The following SPTB variants were observed in gnomAD, a reference collection of about 807,000 sequenced individuals.
SPTB encodes the protein spectrin beta chain, erythrocytic.
A neutral mutation model predicts 256.2 loss-of-function variants in SPTB; 45 were observed. The observed-to-expected ratio is 0.18, with a 90% CI of 0.14 to 0.23. The LOEUF is 0.23. Among genes scored for constraint, SPTB ranks in the 10% least tolerant of loss-of-function variants. SPTB has a pLI of 1.00. For synonymous variants in SPTB, 1,231 were observed against 1,243.1 expected, an observed-to-expected ratio of 0.99 and a Z score of 0.21; for missense variants, 2,715 against 3,040.4, an observed-to-expected ratio of 0.89 and a Z score of 2.52.
chr14:64,791,813 T>C lies in SPTB; in HGVS notation c.2710A>G (p.Ile904Val). The C allele has an allele frequency of 6.2e-7, 1 of 1,614,152 alleles. No individual in the cohort carries two copies. The highest frequency in any genetic ancestry group is 1.1e-5 in the South Asian group (1 of 91,086). ...DQEMKTLMTQ[I>V]DGVNLAANSL... ...TTGGCAGCGAGGTTCACACCATCAATCTGAGTCATCAAGGTCTTCATCTCC... is the reference window on the plus strand; with the variant it reads ...TTGGCAGCGAGGTTCACACCATCAACCTGAGTCATCAAGGTCTTCATCTCC... The change falls in exon 15 of 36, where the codon ATT becomes GTT. Residue 904 changes from isoleucine to valine, a missense_variant. Coordinates refer to ENST00000644917, the MANE Select transcript of SPTB (RefSeq NM_001355436.2).
At position 64,777,019 on chromosome 14, in the gene SPTB, G is replaced by A. The variant is rs1316564178; in HGVS notation, c.4564-1616C>T. Among the ~76,000 whole-genome samples the A allele has an allele frequency of 1.3e-5, 2 of 152,226 alleles. No individual in the cohort carries two copies. The highest frequency in any genetic ancestry group is 4.8e-5 in the African/African-American group (2 of 41,454). ...GGGCCTTCCTCCCTGGGGGCTACGA[G>A]GAAAAGACAACAGTGGGATGGAGAA... is the stretch of plus-strand genomic sequence containing the variant. On this transcript the variant is annotated intron_variant, in intron 22 of 35. Transcript: ENST00000644917. The surrounding 1 kb of genome is among the most constrained non-coding windows in gnomAD (Gnocchi z 4.5).
At chr14:64,836,215 G>C (rs1462778098) in intron 1 of SPTB, among the ~76,000 whole-genome samples, 1 of 152,170 alleles carries the variant, frequency 6.6e-6, no homozygotes, top group East Asian at 1.9e-4. Flanking sequence ...AAATGTCCTG[G>C]ATGACTGTTG....
At chr14:64,780,405 G>GA (rs2139536459) in intron 20 of SPTB, among the ~76,000 whole-genome samples, 1 of 152,258 alleles carries the variant, frequency 6.6e-6, no homozygotes, top group South Asian at 2.1e-4. Context: ...CAAAGAACTA[G>GA]AAAAATTATT....
intron 33 of SPTB, 104 bp downstream of exon 33, chr14:64,753,433 C>T (rs1049909521): frequency 5.7e-6 from 9 of 1,571,054 alleles, no homozygotes; most frequent in South Asian, 2.3e-5. Context: ...AGGCAGAAGG[C>T]ACCCCTCCCC....
chr14:64,809,439 G>A (rs1384084859), intron 2 of SPTB, among the ~76,000 whole-genome samples: 5 of 150,780 alleles, frequency 3.3e-5, no homozygotes, highest in Admixed American at 6.6e-5. Flanking sequence ...TCCGCCTCCC[G>A]AGTTCAAGCG....
Position 64,824,698 on chromosome 14 carries a change from T to C in SPTB, c.-51-1553A>G, listed in dbSNP as rs2083350127. On this transcript the variant is annotated intron_variant, in intron 1 of 35. Coordinates refer to ENST00000644917, the MANE Select transcript of SPTB (RefSeq NM_001355436.2). The surrounding 1 kb of genome is among the most constrained non-coding windows in gnomAD (Gnocchi z 5.7). ...CACCCACGGCACACACACAGGCTCA[T>C]ATCTGACACACTGACACACACCAGC... Among the ~76,000 whole-genome samples, 1 of 151,844 alleles carries C rather than the reference T, an allele frequency of 6.6e-6. No individual in the cohort carries two copies. The highest frequency in any genetic ancestry group is 2.4e-5 in the African/African-American group (1 of 41,192).
At chr14:64,763,941 G>C (rs1412904800) in intron 32 of SPTB, 1 of 511,692 alleles carries the variant, frequency 2.0e-6, no homozygotes, top group South Asian at 1.4e-5. Flanking sequence ...GTGCCACCCT[G>C]TGGTGTGCAG....
In SPTB at chr14:64,782,393, T is replaced by A; in HGVS notation, c.4163A>T (p.His1388Leu). Residue 1388 changes from histidine to leucine, a missense_variant, in exon 20 of 36, where the codon CAT becomes CTT. His to Leu is a moderately conservative substitution (Grantham distance 99). Around this residue, in one of 4 missense-constraint regions of SPTB, gnomAD observed 2,239 missense variants for 2,384.4 expected, o/e 0.94. Transcript: ENST00000644917. Reference protein sequence around the residue: ...ARSSDLRLQTHADLNKWISAM... With the variant: ...ARSSDLRLQTLADLNKWISAM... ...GCTGATCCACTTGTTGAGGTCAGCATGGGTCTGCAAGCGCAGGTCGGAGCT... is the reference window on the plus strand; with the variant it reads ...GCTGATCCACTTGTTGAGGTCAGCAAGGGTCTGCAAGCGCAGGTCGGAGCT... 1 of 1,614,174 alleles carries A rather than the reference T, an allele frequency of 6.2e-7. No individual in the cohort carries two copies. Among genetic ancestry groups the A allele is most frequent in the Non-Finnish European group, 8.5e-7 (1 of 1,180,030 alleles).
Position 64,749,137 on chromosome 14 carries a change from A to T in SPTB, c.*169T>A. ...GAGGGCATGGAGGGGGCGTCGGCCC[A>T]GGACACGCGGGCGAAGGCAGCTTTT... On this transcript the variant is annotated 3_prime_UTR_variant, in exon 36 of 36. Coordinates refer to ENST00000644917, the MANE Select transcript of SPTB (RefSeq NM_001355436.2). This position sits in a 1 kb window ranked among gnomAD's most constrained non-coding sequence, Gnocchi z 4.7. 1 of 723,650 alleles carries T rather than the reference A, an allele frequency of 1.4e-6. No individual in the cohort carries two copies. Among genetic ancestry groups the T allele is most frequent in the Non-Finnish European group, 2.2e-6 (1 of 463,948 alleles). 44.8% of individuals were successfully genotyped at this position (723,650 alleles called of 1,614,324 possible).
Position 64,759,866 on chromosome 14 carries a change from G to C in SPTB, c.6346-6073C>G, listed in dbSNP as rs968629595. 1.3e-5 allele frequency among the ~76,000 whole-genome samples: 2 copies of C among 152,238 alleles called. No individual in the cohort carries two copies. The highest frequency in any genetic ancestry group is 2.9e-5 in the Non-Finnish European group (2 of 68,040). ...CAGTTGCGGGCAGCAAGGGAGTCTA[G>C]ACCATAAATGGAGGTGAAGGAGAAT... On this transcript the variant is annotated intron_variant, in intron 32 of 35. Transcript: ENST00000644917. This position sits in a 1 kb window ranked among gnomAD's most constrained non-coding sequence, Gnocchi z 4.8.
chr14:64,814,191 C>A (rs944673417), intron 2 of SPTB, among the ~76,000 whole-genome samples: 39 of 152,156 alleles, frequency 2.6e-4, no homozygotes, highest in African/African-American at 7.5e-4. Context: ...TGCCTATAGT[C>A]CCAGCTACTT....
intron 2 of SPTB, among the ~76,000 whole-genome samples, chr14:64,822,146 C>T (rs377264932): frequency 6.6e-6 from 1 of 151,206 alleles, no homozygotes; most frequent in African/African-American, 2.4e-5. Flanking sequence ...CCACCTTCCA[C>T]ACATACACAC....
chr14:64,870,053 C>T (rs1239965348), intron 1 of SPTB, among the ~76,000 whole-genome samples: 3 of 151,950 alleles, frequency 2.0e-5, no homozygotes, highest in Non-Finnish European at 4.4e-5. Context: ...TTGCAAGAAG[C>T]TTGAACTAAC....
At position 64,824,979 on chromosome 14, in the gene SPTB, G is replaced by A. The variant is rs72625634; in HGVS notation, c.-51-1834C>T. 0.06 allele frequency among the ~76,000 whole-genome samples: 9,084 copies of A among 152,204 alleles called. 321 individuals carry two copies. The highest frequency in any genetic ancestry group is 0.092 in the Middle Eastern group (27 of 294). ...GGAGGAGGCCTCCCCAGGGTCATCC[G>A]GTGGAATGACTGCGGCTGGGACCAA... On this transcript the variant is annotated intron_variant, in intron 1 of 35. Transcript: ENST00000644917. This position sits in a 1 kb window ranked among gnomAD's most constrained non-coding sequence, Gnocchi z 5.7.
rs1480175182 is a variant in SPTB at position 64,852,579 on chromosome 14, C to CT, written c.-52+27212dup. On this transcript the variant is annotated intron_variant, in intron 1 of 35. Transcript: ENST00000644917. This position sits in a 1 kb window ranked among gnomAD's most constrained non-coding sequence, Gnocchi z 4.2. ...GAGACGGTGTGGGCAAGACTCAGGACTTTGGTAGCCAAGATGGTGGGGAGC... is the reference window on the plus strand; with the variant it reads ...GAGACGGTGTGGGCAAGACTCAGGACTTTTGGTAGCCAAGATGGTGGGGAGC... Among the ~76,000 whole-genome samples the CT allele has an allele frequency of 6.6e-6, 1 of 152,144 alleles. No individual in the cohort carries two copies. The highest frequency in any genetic ancestry group is 2.4e-5 in the African/African-American group (1 of 41,420).
Position 64,772,890 on chromosome 14 carries a change from T to C in SPTB, c.5243A>G (p.Asp1748Gly). The C allele has an allele frequency of 6.2e-7, 1 of 1,607,400 alleles. No individual in the cohort carries two copies. ...TCGCTCGATGAAGGCATTCACATTG[T>C]CCACCCGCTCCTGCCCAATCGCCCC... ...ETGAIGQERV[D>G]NVNAFIERLI... The change falls in exon 26 of 36, where the codon GAC (aspartate) becomes GGC (glycine). Residue 1748 changes from aspartate to glycine, a missense_variant. Transcript: ENST00000644917. The surrounding 1 kb of genome is among the most constrained non-coding windows in gnomAD (Gnocchi z 5.4).
rs1157779083 is a variant in SPTB, at chr14:64,786,587, T to A, written c.3378A>T (p.Lys1126Asn). ...CTGGGTCCGTCTGGCCTTGGATCAC[T>A]TTCTCCCCAGACTCCTTAACACGCT... is the stretch of plus-strand genomic sequence containing the variant. The part of the protein sequence containing the change: ...SYQRVKESGE[K>N]VIQGQTDPEY... Residue 1126 changes from lysine (K) to asparagine (N), a missense_variant, in exon 16 of 36, where the codon AAA becomes AAT. Transcript: ENST00000644917. This position sits in a 1 kb window ranked among gnomAD's most constrained non-coding sequence, Gnocchi z 5.6. 3 of 1,614,160 alleles carry A rather than the reference T, an allele frequency of 1.9e-6. No individual in the cohort carries two copies. Among genetic ancestry groups the A allele is most frequent in the East Asian group, 2.2e-5 (1 of 44,868 alleles).
intron 2 of SPTB, among the ~76,000 whole-genome samples, chr14:64,811,800 T>C (rs962525351): frequency 1.3e-5 from 2 of 152,198 alleles, no homozygotes; most frequent in Non-Finnish European, 2.9e-5. Flanking sequence ...CACTTATCAG[T>C]TGGGCAAAGA....
At chr14:64,770,797 A>G (rs2082267968) in intron 27 of SPTB, 88 bp downstream of exon 27, 10 of 1,589,106 alleles carry the variant, frequency 6.3e-6, no homozygotes, top group Non-Finnish European at 8.6e-6. Context: ...CTGTCCCTTC[A>G]CGGAGGAGCC....
Sources: allele counts gnomAD v4.1 joint callset (sites outside exome capture counted in the v4.1 genomes callset), GRCh38; gene constraint gnomAD v4.1.1; regional missense constraint gnomAD v4.1.1; non-coding constraint Gnocchi (gnomAD v3.1); transcripts MANE v1.5; gene names NCBI Gene and HGNC (gene_info 2026-07-23, HGNC 2026-07-21).